Variants in FOXM1 observed in about 807,000 individuals in gnomAD.
FOXM1 encodes the protein forkhead box protein M1.
FOXM1 carries 25 observed loss-of-function variants against 63.6 expected under a neutral mutation model. That is an observed-to-expected ratio of 0.39 (90% CI 0.29 to 0.55). FOXM1 has a LOEUF of 0.55. FOXM1 is among the 20% of genes least tolerant of loss of function. FOXM1 has a pLI of 0.60. For synonymous variants in FOXM1, 387 were observed against 376.9 expected (o/e 1.03, Z -0.31); for missense variants, 879 against 958.7 (o/e 0.92, Z 1.10).
At chr12:2,871,923 G>A (rs1462615561) in intron 3 of FOXM1, among the ~76,000 whole-genome samples, 173 bp downstream of exon 3, 1 of 152,144 alleles carries the variant, frequency 6.6e-6, no homozygotes, top group African/African-American at 2.4e-5. Flanking sequence ...ACAGATGGGA[G>A]AGAAAAGATC....
chr12:2,862,129 A>G (rs1291365764), intron 8 of FOXM1, among the ~76,000 whole-genome samples: 3 of 151,784 alleles, frequency 2.0e-5, no homozygotes, highest in African/African-American at 4.8e-5. Flanking sequence ...CAGTGAGCCA[A>G]GATCATGCCA....
chr12:2,871,029 T>C (rs2098132448), intron 3 of FOXM1, among the ~76,000 whole-genome samples: 1 of 137,416 alleles, frequency 7.3e-6, no homozygotes, highest in African/African-American at 2.7e-5. Flanking sequence ...AAGGGAACAC[T>C]AGACACCAGG....
intron 6 of FOXM1, chr12:2,865,001 C>T: frequency 1.7e-6 from 1 of 589,664 alleles, no homozygotes; most frequent in East Asian, 2.8e-5. Flanking sequence ...GTCCTCAACA[C>T]CCCTGGGGGA....
At chr12:2,871,991 C>A (rs1240913918) in intron 3 of FOXM1, 105 bp downstream of exon 3, 2 of 1,197,916 alleles carry the variant, frequency 1.7e-6, no homozygotes, top group Admixed American at 3.4e-5. Flanking sequence ...AGAGCTAATA[C>A]CAGAACTTGG....
At chr12:2,873,574 T>G (rs2098136926) in intron 2 of FOXM1, among the ~76,000 whole-genome samples, 1 of 150,828 alleles carries the variant, frequency 6.6e-6, no homozygotes, top group Admixed American at 6.6e-5. Context: ...GACCCCTTCT[T>G]TTTTCATTTT....
chr12:2,868,857 G>A lies in FOXM1; in HGVS notation c.655-103C>T, dbSNP rs967163406. On this transcript the variant is annotated intron_variant, in intron 3 of 8. Coordinates refer to ENST00000359843, the MANE Select transcript of FOXM1 (RefSeq NM_021953.4). ...AGAGAAACCTTTATCCCATAGGACG[G>A]TCTAGAAACAAACTCATCTGAGACC... The A allele has an allele frequency of 3.5e-6, 3 of 863,448 alleles. No individual in the cohort carries two copies. The African/African-American group carries it at 5.1e-5, about 15-fold the overall frequency. The allele number at this position is 863,448 out of a possible 1,614,324, so 53.5% of individuals were successfully genotyped here. A position where few individuals can be genotyped will look rare whatever the true frequency, so the allele number is the denominator to read the frequency against.
chr12:2,867,241 G>A (rs1359368372), intron 4 of FOXM1, among the ~76,000 whole-genome samples: 1 of 152,080 alleles, frequency 6.6e-6, no homozygotes, highest in Non-Finnish European at 1.5e-5. Context: ...AAGGCAGGAG[G>A]AGTGCTTGAG....
intron 8 of FOXM1, among the ~76,000 whole-genome samples, chr12:2,860,080 T>C (rs1197180109): frequency 6.6e-6 from 1 of 152,092 alleles, no homozygotes; most frequent in African/African-American, 2.4e-5. Flanking sequence ...AAAGAGAATC[T>C]AGGAGACTAC....
Position 2,864,671 on chromosome 12 carries a change from T to C in FOXM1, c.1090+12A>G, listed in dbSNP as rs773580345. The C allele has an allele frequency of 1.9e-6, 3 of 1,613,712 alleles. No individual in the cohort carries two copies. The highest frequency in any genetic ancestry group is 2.2e-5 in the East Asian group (1 of 44,882). On this transcript the variant is annotated intron_variant, in intron 7 of 8. Coordinates refer to ENST00000359843, the MANE Select transcript of FOXM1 (RefSeq NM_021953.4). This position sits in a 1 kb window ranked among gnomAD's most constrained non-coding sequence, Gnocchi z 5.1. ...CAAGGACCAGGCCCAAGGCCCACTC[T>C]CCCATACTAACGTGCGCCCAGGGGG...
rs763027795 is a variant in FOXM1, at chr12:2,865,396, G to T, written c.979C>A (p.Leu327Met). The change falls in exon 6 of 9, where the codon CTG becomes ATG. Residue 327 changes from leucine to methionine, a missense_variant. This residue lies in a region of FOXM1 where 76 missense variants were observed against 94.5 expected (regional missense o/e 0.80). Coordinates refer to ENST00000359843, the MANE Select transcript of FOXM1 (RefSeq NM_021953.4). ...GGCAATTGTGGAGACCCTGGGTCCA[G>T]TGGCTGGTGGCGGCCAGGCATTGTG... ...YLTLDQVFKPLDPGSPQLPEH... is the reference protein window; with the variant it reads ...YLTLDQVFKPMDPGSPQLPEH... The T allele has an allele frequency of 1.2e-6, 2 of 1,610,798 alleles. No homozygotes were observed. Among genetic ancestry groups the T allele is most frequent in the Non-Finnish European group, 1.7e-6 (2 of 1,178,246 alleles).
At chr12:2,862,912 ATC>A (rs147834999) in intron 8 of FOXM1, among the ~76,000 whole-genome samples, 7,483 of 152,078 alleles carry the variant, frequency 0.049, 613 homozygotes, top group African/African-American at 0.17. Context: ...TGCTATTTTC[ATC>A]TCTCTGAAGG....
chr12:2,858,812 C>T lies in FOXM1; in HGVS notation c.2118G>A (p.Glu706=), dbSNP rs1385173319. 3 of 1,614,204 alleles carry T rather than the reference C, an allele frequency of 1.9e-6. No homozygotes were observed. Among genetic ancestry groups the T allele is most frequent in the African/African-American group, 1.3e-5 (1 of 75,044 alleles). Reference sequence around the variant, plus strand: ...TGGCTGCAAGGCCAGAAACCTGTGGCTCCGGGGAGCCTGGCTTGGGGACGT... The same window carrying T: ...TGGCTGCAAGGCCAGAAACCTGTGGTTCCGGGGAGCCTGGCTTGGGGACGT... The part of the protein sequence containing the change: ...DIDVPKPGSP[E]PQVSGLAANR... The change falls in exon 9 of 9, where the codon GAG becomes GAA. Residue 706 remains glutamate, a synonymous_variant. Transcript: ENST00000359843.
chr12:2,859,799 T>C, intron 8 of FOXM1, 136 bp from the exon 9 acceptor site: 1 of 670,978 alleles, frequency 1.5e-6, no homozygotes. Context: ...CGATGTATGT[T>C]GAAGTTGGTA....
At chr12:2,876,669 A>G (rs899125896) in intron 1 of FOXM1, among the ~76,000 whole-genome samples, 1 of 152,084 alleles carries the variant, frequency 6.6e-6, no homozygotes, top group Non-Finnish European at 1.5e-5. Context: ...AGCCCTCCCG[A>G]GGCCGCGGGC....
Position 2,874,647 on chromosome 12 carries a change from T to C in FOXM1, c.-47-122A>G. On this transcript the variant is annotated intron_variant, in intron 1 of 8. Coordinates refer to ENST00000359843, the MANE Select transcript of FOXM1 (RefSeq NM_021953.4). The surrounding 1 kb of genome is among the most constrained non-coding windows in gnomAD (Gnocchi z 4.3). The stretch of plus-strand genomic sequence containing the variant: ...TGAGCCTAAAGGCCCAGGTAAACAT[T>C]CCATGGACTTTTGTAAAGACCTCAG... 5.9e-6 allele frequency: 4 copies of C among 674,260 alleles called. No homozygotes were observed. The highest frequency in any genetic ancestry group is 1.0e-5 in the Non-Finnish European group (4 of 397,396). 41.8% of individuals were successfully genotyped at this position (674,260 alleles called of 1,614,324 possible). A position where few individuals can be genotyped will look rare whatever the true frequency, so the allele number is the denominator to read the frequency against.
Position 2,858,852 on chromosome 12 carries a change from G to C in FOXM1, c.2078C>G (p.Ser693Cys), listed in dbSNP as rs2098099402. The C allele has an allele frequency of 6.2e-7, 1 of 1,614,056 alleles. No homozygotes were observed. Among genetic ancestry groups the C allele is most frequent in the Non-Finnish European group, 8.5e-7 (1 of 1,180,030 alleles). The part of the protein sequence containing the change: ...DLISVPFGNS[S>C]PSDIDVPKPG... ...CTTGGGGACGTCTATATCTGAGGGA[G>C]AAGAGTTGCCAAAGGGGACGGAGAT... is the stretch of plus-strand genomic sequence containing the variant. The change falls in exon 9 of 9, where the codon TCT (serine) becomes TGT (cysteine). Residue 693 changes from serine to cysteine, a missense_variant. This residue lies in a region of FOXM1 where 486 missense variants were observed against 453.5 expected (regional missense o/e 1.07). Coordinates refer to ENST00000359843, the MANE Select transcript of FOXM1 (RefSeq NM_021953.4).
intron 1 of FOXM1, among the ~76,000 whole-genome samples, chr12:2,875,745 T>A (rs1477505633): frequency 3.3e-5 from 5 of 151,576 alleles, no homozygotes; most frequent in Non-Finnish European, 5.9e-5. Context: ...TTTAAGTCTT[T>A]TGTTGATTTT....
intron 6 of FOXM1, 113 bp downstream of exon 6, chr12:2,865,242 C>T (rs1945407151): frequency 1.0e-6 from 1 of 973,056 alleles, no homozygotes; most frequent in Non-Finnish European, 1.6e-6. Flanking sequence ...CTAGACAAAA[C>T]ATGGCCATAG....
intron 5 of FOXM1, among the ~76,000 whole-genome samples, chr12:2,865,643 CTTTTTTTTTTTTT>C (rs58125017): frequency 1.2e-4 from 8 of 67,984 alleles, no homozygotes; most frequent in Non-Finnish European, 2.3e-4. Flanking sequence ...CTAAGGCAGG[CTTTTTTTTTTTTT>C]TTTTTTTTTT....
Sources: gnomAD v4.1 joint callset for allele counts (sites outside exome capture counted in the v4.1 genomes callset) on GRCh38, gnomAD v4.1.1 for gene constraint, gnomAD v4.1.1 regional missense constraint, Gnocchi (gnomAD v3.1) non-coding constraint, MANE v1.5 for transcripts, NCBI Gene and HGNC (gene_info 2026-07-23, HGNC 2026-07-21) for gene names.